MYH11: variants seen among roughly 807,000 people sequenced by gnomAD.
MYH11 encodes the protein myosin heavy chain 11.
MYH11 carries 80 observed loss-of-function variants against 246.6 expected under a neutral mutation model. The ratio of observed to expected loss-of-function variants is 0.32; its 90% CI spans 0.27 to 0.39. The LOEUF is 0.39. Among genes scored for constraint, MYH11 ranks in the 10% least tolerant of loss-of-function variants. The pLI is 1.00. For missense variants in MYH11, 2,158 were observed against 2,546.8 expected (o/e 0.85, Z 3.29); for synonymous variants, 1,071 against 1,015.5 (o/e 1.05, Z -1.04).
At chr16:15,730,528 T>C (rs1378431938) in intron 27 of MYH11, among the ~76,000 whole-genome samples, 1 of 151,840 alleles carries the variant, frequency 6.6e-6, no homozygotes, top group Non-Finnish European at 1.5e-5. Flanking sequence ...AGTGACAGAG[T>C]AAGACTCCAC....
At chr16:15,705,524 A>G (rs571636132) in intron 40 of MYH11, among the ~76,000 whole-genome samples, 1 of 152,298 alleles carries the variant, frequency 6.6e-6, no homozygotes, top group Admixed American at 6.5e-5. Flanking sequence ...AACCGCAACA[A>G]ATAATTATGT....
At chr16:15,707,347 C>T (rs763935401) in intron 40 of MYH11, among the ~76,000 whole-genome samples, 1 of 152,100 alleles carries the variant, frequency 6.6e-6, no homozygotes, top group Non-Finnish European at 1.5e-5. Flanking sequence ...GGATTCTATT[C>T]GTGGACTCAG....
intron 6 of MYH11, among the ~76,000 whole-genome samples, chr16:15,780,906 G>C (rs1462197867): frequency 1.3e-5 from 2 of 152,200 alleles, no homozygotes; most frequent in Non-Finnish European, 2.9e-5. Context: ...TTCACTGAGA[G>C]TCAGTTGCCA....
intron 38 of MYH11, 67 bp downstream of exon 38, chr16:15,717,073 C>G: frequency 6.5e-7 from 1 of 1,545,698 alleles, no homozygotes; most frequent in South Asian, 1.1e-5. Context: ...GGTTCCCTGA[C>G]TTCACTATGA....
At position 15,782,514 on chromosome 16, in the gene MYH11, A is replaced by G. The variant is rs760952800; in HGVS notation, c.634-37T>C. 7 of 1,556,596 alleles carry G rather than the reference A, an allele frequency of 4.5e-6. No individual in the cohort carries two copies. In the East Asian group the frequency reaches 1.3e-4, roughly 30 times the overall value. Reference sequence around the variant, plus strand: ...TCACATCTAGTTATTGGAGAAAGCAACCTAGGTCCTGACAGTTCTACCTTG... The same window carrying G: ...TCACATCTAGTTATTGGAGAAAGCAGCCTAGGTCCTGACAGTTCTACCTTG... On this transcript the variant is annotated intron_variant, in intron 5 of 40. Transcript: ENST00000300036.
In MYH11 at chr16:15,750,174, G is replaced by A. The variant is rs2041527328; in HGVS notation, c.2022C>T (p.Asn674=). The A allele has an allele frequency of 1.9e-6, 3 of 1,614,260 alleles. No individual in the cohort carries two copies. Among genetic ancestry groups the A allele is most frequent in the South Asian group, 1.1e-5 (1 of 91,088 alleles). Residue 674 remains asparagine (N), a synonymous_variant, in exon 16 of 41, where the codon AAC becomes AAT. Transcript: ENST00000300036. This position sits in a 1 kb window ranked among gnomAD's most constrained non-coding sequence, Gnocchi z 4.3. ...GGTTGGGGATGATGCAGCGCACGAA[G>A]TTGGGCGTGGTGTTGCGTAGCGTGG... The part of the protein sequence containing the change: ...LMTTLRNTTP[N]FVRCIIPNHE...
chr16:15,795,312 A>G (rs532177478), intron 4 of MYH11, among the ~76,000 whole-genome samples: 1 of 150,860 alleles, frequency 6.6e-6, no homozygotes, highest in African/African-American at 2.4e-5. Flanking sequence ...ATCAACAACA[A>G]CAACAAACTG....
intron 2 of MYH11, among the ~76,000 whole-genome samples, chr16:15,832,487 CA>C (rs1412911626): frequency 1.3e-5 from 2 of 152,158 alleles, no homozygotes; most frequent in African/African-American, 4.8e-5. Flanking sequence ...AAAAGCAGAG[CA>C]AAAAGCCCAT....
intron 3 of MYH11, among the ~76,000 whole-genome samples, chr16:15,799,353 A>C (rs572753840): frequency 6.6e-6 from 1 of 152,334 alleles, no homozygotes; most frequent in East Asian, 1.9e-4. Context: ...CAGCAGGTGG[A>C]CAGAGCCCTG....
chr16:15,752,052 A>G (rs947484846), intron 15 of MYH11, among the ~76,000 whole-genome samples: 1 of 151,924 alleles, frequency 6.6e-6, no homozygotes, highest in African/African-American at 2.4e-5. Context: ...TCAGCCTCCC[A>G]AAGTGCTGAG....
intron 9 of MYH11, among the ~76,000 whole-genome samples, chr16:15,767,594 C>G (rs1399251500): frequency 2.6e-5 from 4 of 152,010 alleles, no homozygotes; most frequent in Non-Finnish European, 5.9e-5. Context: ...AGAGCTGGGA[C>G]TACAGGCGTG....
chr16:15,763,516 C>T (rs949263352), intron 10 of MYH11, among the ~76,000 whole-genome samples: 3 of 151,670 alleles, frequency 2.0e-5, no homozygotes, highest in South Asian at 4.2e-4. Context: ...AGCGAGACCT[C>T]GTCTCTATTA....
chr16:15,724,316 G>A lies in MYH11; in HGVS notation c.4210C>T (p.Leu1404Phe). ...KKRFQKEIENLTQQYEEKAAA... is the reference protein window; with the variant it reads ...KKRFQKEIENFTQQYEEKAAA... The stretch of plus-strand genomic sequence containing the variant: ...GCCTTCTCCTCGTACTGCTGGGTGA[G>A]GTTCTCGATCTCCTTCTGGAACCTC... Residue 1404 changes from leucine to phenylalanine, a missense_variant, in exon 31 of 41, where the codon CTC becomes TTC. By Grantham distance (22) the Leu-to-Phe change is conservative (BLOSUM62 0). Transcript: ENST00000300036. 1.2e-6 allele frequency: 2 copies of A among 1,614,152 alleles called. No individual in the cohort carries two copies. Among genetic ancestry groups the A allele is most frequent in the Non-Finnish European group, 1.7e-6 (2 of 1,180,030 alleles).
At chr16:15,769,413 C>T (rs1419169158) in intron 9 of MYH11, among the ~76,000 whole-genome samples, 1 of 152,244 alleles carries the variant, frequency 6.6e-6, no homozygotes, top group East Asian at 1.9e-4. Context: ...GCTGGGAGGA[C>T]TGCTTGAGCC....
chr16:15,742,775 A>G (rs2041311662), intron 20 of MYH11, among the ~76,000 whole-genome samples: 1 of 151,942 alleles, frequency 6.6e-6, no homozygotes, highest in Non-Finnish European at 1.5e-5. Context: ...GTATTACCCC[A>G]TGCTGTTACA....
intron 3 of MYH11, among the ~76,000 whole-genome samples, chr16:15,801,727 C>T (rs1394618047): frequency 1.3e-5 from 2 of 151,144 alleles, no homozygotes; most frequent in East Asian, 2.0e-4. Flanking sequence ...AAGGCTGAGG[C>T]GGGCAGATCA....
intron 25 of MYH11, 124 bp from the exon 26 acceptor site, chr16:15,735,702 A>G (rs763147562): frequency 8.3e-5 from 74 of 892,172 alleles, no homozygotes; most frequent in Middle Eastern, 7.5e-4. Flanking sequence ...CCTTCTATCC[A>G]TGTCCCCAGG....
chr16:15,744,782 C>T (rs376104090), intron 20 of MYH11, among the ~76,000 whole-genome samples: 4 of 152,234 alleles, frequency 2.6e-5, no homozygotes, highest in African/African-American at 9.6e-5. Context: ...GGATTACAGG[C>T]GTGAGCCGCC....
At position 15,760,576 on chromosome 16, in the gene MYH11, C is replaced by A; in HGVS notation, c.1212G>T (p.Gly404=). The part of the protein sequence containing the change: ...RSILTPRIKV[G]RDVVQKAQTK... ...TCTGAGCTTTCTGTACCACATCTCG[C>A]CCAACCTTGATACGAGGAGTGAGGA... The change falls in exon 11 of 41, where the codon GGG becomes GGT. Residue 404 remains glycine, a synonymous_variant. Transcript: ENST00000300036. The A allele has an allele frequency of 6.2e-7, 1 of 1,614,068 alleles. No homozygotes were observed.
Sources: gnomAD v4.1 joint callset for allele counts (sites outside exome capture counted in the v4.1 genomes callset) on GRCh38, gnomAD v4.1.1 for gene constraint, Gnocchi (gnomAD v3.1) non-coding constraint, MANE v1.5 for transcripts, NCBI Gene and HGNC (gene_info 2026-07-23, HGNC 2026-07-21) for gene names.